AKAP7: variants seen among roughly 807,000 people sequenced by gnomAD.
AKAP7 encodes A-kinase anchoring protein 7, also known as A kinase (PRKA) anchor protein 7.
AKAP7 carries 39 observed loss-of-function variants against 39.5 expected under a neutral mutation model. That is an observed-to-expected ratio of 0.99 (90% confidence interval 0.76 to 1.29). The LOEUF is 1.29. AKAP7 is among the 50% of genes most tolerant of loss of function. AKAP7 has a pLI of 0.00. For synonymous variants in AKAP7, 140 were observed against 139.1 expected, an observed-to-expected ratio of 1.01 and a Z score of -0.05; for missense variants, 414 against 407.7, an observed-to-expected ratio of 1.02 and a Z score of -0.13.
intron 6 of AKAP7, among the ~76,000 whole-genome samples, chr6:131,213,299 T>C (rs947816007): frequency 6.6e-6 from 1 of 152,082 alleles, no homozygotes; most frequent in Non-Finnish European, 1.5e-5. Flanking sequence ...TTTTTTATAC[T>C]GAGAATTTTT....
intron 7 of AKAP7, among the ~76,000 whole-genome samples, chr6:131,236,197 C>G (rs945262461): frequency 2.0e-5 from 3 of 152,026 alleles, no homozygotes; most frequent in Non-Finnish European, 4.4e-5. Flanking sequence ...TCAGGTTTGT[C>G]AAAGATCAGA....
intron 3 of AKAP7, among the ~76,000 whole-genome samples, chr6:131,164,861 A>G (rs1803324618): frequency 6.6e-6 from 1 of 152,184 alleles, no homozygotes; most frequent in Admixed American, 6.5e-5. Flanking sequence ...AAGATAGACA[A>G]TCATCATGCT....
chr6:131,251,358 G>T (rs1812433665), intron 7 of AKAP7, among the ~76,000 whole-genome samples: 1 of 151,970 alleles, frequency 6.6e-6, no homozygotes, highest in African/African-American at 2.4e-5. Flanking sequence ...CCTTACCCTA[G>T]TTGCCCCGAA....
chr6:131,163,672 G>A (rs780008586), intron 3 of AKAP7, among the ~76,000 whole-genome samples: 1 of 152,148 alleles, frequency 6.6e-6, no homozygotes, highest in Non-Finnish European at 1.5e-5. Flanking sequence ...AATAGAATTG[G>A]AAAGTGGATT....
At chr6:131,232,479 G>A (rs921758499) in intron 7 of AKAP7, among the ~76,000 whole-genome samples, 11 of 152,048 alleles carry the variant, frequency 7.2e-5, no homozygotes, top group Admixed American at 1.3e-4. Flanking sequence ...CACATTAATC[G>A]ATGTTTATTA....
Position 131,225,731 on chromosome 6 carries a change from A to T in AKAP7, c.850+5923A>T, listed in dbSNP as rs1479664943. On this transcript the variant is annotated intron_variant, in intron 7 of 7. Coordinates refer to ENST00000431975, the MANE Select transcript of AKAP7 (RefSeq NM_016377.4). ...GATATGATCATTAATATAGGTTCTC[A>T]TACACACAGGAGAAACTCATAAATC... Among the ~76,000 whole-genome samples, 4 of 152,084 alleles carry T rather than the reference A, an allele frequency of 2.6e-5. No individual in the cohort carries two copies. In the East Asian group the frequency reaches 5.8e-4, roughly 22 times the overall value.
Position 131,282,748 on chromosome 6 carries a change from A to G in AKAP7, c.*1022A>G, listed in dbSNP as rs1248917281. ...GGTGAGGAATTAGCAATTTCTTGCC[A>G]AAGAAAATTGATTCTGCCCAATTAT... On this transcript the variant is annotated 3_prime_UTR_variant, in exon 8 of 8. Transcript: ENST00000431975. The G allele has an allele frequency of 1.0e-5, 6 of 586,498 alleles. No homozygotes were observed. The highest frequency in any genetic ancestry group is 1.6e-5 in the Non-Finnish European group (6 of 368,616). The allele number at this position is 586,498 out of a possible 1,614,324, so 36.3% of individuals were successfully genotyped here.
chr6:131,223,428 T>C (rs1413169446), intron 7 of AKAP7, among the ~76,000 whole-genome samples: 1 of 152,174 alleles, frequency 6.6e-6, no homozygotes, highest in East Asian at 1.9e-4. Flanking sequence ...TCTTCAGAGG[T>C]CCTCATTTTA....
chr6:131,196,133 T>C (rs1806903631), intron 5 of AKAP7, among the ~76,000 whole-genome samples: 1 of 152,080 alleles, frequency 6.6e-6, no homozygotes, highest in African/African-American at 2.4e-5. Context: ...CTTCATTGTT[T>C]TATATTCTTT....
At chr6:131,249,344 A>G (rs1162330408) in intron 7 of AKAP7, among the ~76,000 whole-genome samples, 1 of 152,224 alleles carries the variant, frequency 6.6e-6, no homozygotes, top group African/African-American at 2.4e-5. Flanking sequence ...CAGCATCTTC[A>G]CTGTTTTTTT....
chr6:131,201,832 C>G (rs1478942736), intron 6 of AKAP7, among the ~76,000 whole-genome samples: 1 of 152,060 alleles, frequency 6.6e-6, no homozygotes, highest in East Asian at 1.9e-4. Flanking sequence ...TTTCCCAGCA[C>G]CATTTATTAA....
intron 5 of AKAP7, among the ~76,000 whole-genome samples, chr6:131,192,657 T>C (rs187808355): frequency 9.2e-5 from 14 of 152,342 alleles, no homozygotes; most frequent in South Asian, 8.3e-4. Flanking sequence ...GCATGGAATC[T>C]GTAGATTGCT....
rs182099911 is a variant in AKAP7 at position 131,196,656 on chromosome 6, A to G, written c.590-2805A>G. On this transcript the variant is annotated intron_variant, in intron 5 of 7. Transcript: ENST00000431975. ...TCTGATAAAATTCTGAGTTCTTCCTATGTTCCAGTTTTCTTGTCTTTAGAA... is the reference window on the plus strand; with the variant it reads ...TCTGATAAAATTCTGAGTTCTTCCTGTGTTCCAGTTTTCTTGTCTTTAGAA... Among the ~76,000 whole-genome samples the G allele has an allele frequency of 4.6e-5, 7 of 152,130 alleles. No individual in the cohort carries two copies. In the East Asian group the frequency reaches 7.7e-4, roughly 17 times the overall value.
chr6:131,235,091 T>C (rs1810932886), intron 7 of AKAP7, among the ~76,000 whole-genome samples: 1 of 152,126 alleles, frequency 6.6e-6, no homozygotes, highest in South Asian at 2.1e-4. Flanking sequence ...TGGTGTGTGA[T>C]GTTCCCCTTC....
At chr6:131,134,128 C>T (rs569350242), upstream of AKAP7, among the ~76,000 whole-genome samples, 3 of 152,200 alleles carry the variant, frequency 2.0e-5, no homozygotes, top group South Asian at 2.1e-4. Flanking sequence ...TGGGTCACCA[C>T]GTCTGGTTAA....
At chr6:131,151,663 T>G (rs1445238270) in intron 2 of AKAP7, among the ~76,000 whole-genome samples, 1 of 152,094 alleles carries the variant, frequency 6.6e-6, no homozygotes, top group East Asian at 1.9e-4. Context: ...GGAGAATCGC[T>G]TGAACCTAGG....
intron 7 of AKAP7, among the ~76,000 whole-genome samples, chr6:131,235,366 A>G (rs1229766881): frequency 2.0e-5 from 3 of 152,226 alleles, no homozygotes; most frequent in Admixed American, 1.3e-4. Context: ...CGCAATAAAC[A>G]TAACGTGTGC....
chr6:131,144,646 C>A (rs927935880), intron 1 of AKAP7, among the ~76,000 whole-genome samples: 1 of 152,086 alleles, frequency 6.6e-6, no homozygotes, highest in Non-Finnish European at 1.5e-5. Flanking sequence ...TATGATTGTT[C>A]TACCCATAGC....
intron 7 of AKAP7, among the ~76,000 whole-genome samples, chr6:131,255,367 C>T (rs1415230006): frequency 1.3e-5 from 2 of 152,146 alleles, no homozygotes; most frequent in Non-Finnish European, 2.9e-5. Flanking sequence ...TATGGAATAA[C>T]TGGTTAATGT....
Sources: allele counts gnomAD v4.1 joint callset (sites outside exome capture counted in the v4.1 genomes callset), GRCh38; gene constraint gnomAD v4.1.1; transcripts MANE v1.5; gene names NCBI Gene and HGNC (gene_info 2026-07-23, HGNC 2026-07-21).